NUDT9: variants seen among roughly 807,000 people sequenced by gnomAD.
NUDT9 encodes nudix hydrolase 9.
In NUDT9, 31 loss-of-function variants were observed where a neutral mutation model predicts 41.0. That is an observed-to-expected ratio of 0.76 (90% CI 0.57 to 1.02). NUDT9 has a LOEUF of 1.02. NUDT9 is among the 50% of genes least tolerant of loss of function. The probability of loss-of-function intolerance (pLI) is 0.00; values close to 1 mark genes in which losing one functional copy is unlikely to be tolerated. For synonymous variants in NUDT9, 146 were observed against 147.6 expected, an observed-to-expected ratio of 0.99 and a Z score of 0.08; for missense variants, 380 against 431.4, an observed-to-expected ratio of 0.88 and a Z score of 1.06.
intron 1 of NUDT9, among the ~76,000 whole-genome samples, chr4:87,430,063 C>T (rs532967708): frequency 6.6e-6 from 1 of 152,140 alleles, no homozygotes; most frequent in African/African-American, 2.4e-5. Context: ...CTGGAAGGTG[C>T]GCCTGATTTA....
At chr4:87,455,663 T>G (rs540482526) in intron 7 of NUDT9, among the ~76,000 whole-genome samples, 1 of 151,036 alleles carries the variant, frequency 6.6e-6, no homozygotes, top group African/African-American at 2.4e-5. Flanking sequence ...TTTTTCTTTT[T>G]TTTTTTTTTT....
At chr4:87,451,107 T>C (rs1318453873) in intron 5 of NUDT9, among the ~76,000 whole-genome samples, 1 of 152,200 alleles carries the variant, frequency 6.6e-6, no homozygotes, top group Admixed American at 6.5e-5. Flanking sequence ...AGGAGGTGCA[T>C]GTTAGGTAAC....
chr4:87,442,428 A>C (rs1722243804), intron 4 of NUDT9, among the ~76,000 whole-genome samples: 7 of 152,244 alleles, frequency 4.6e-5, no homozygotes, highest in Admixed American at 1.3e-4. Flanking sequence ...GTGAGTGAAC[A>C]TGAAAGCCTA....
At chr4:87,440,191 TC>T (rs1449752242) in intron 3 of NUDT9, among the ~76,000 whole-genome samples, 6 of 152,208 alleles carry the variant, frequency 3.9e-5, no homozygotes, top group Non-Finnish European at 8.8e-5. Flanking sequence ...TTTAATGAAG[TC>T]TCTTTGACTA....
intron 1 of NUDT9, among the ~76,000 whole-genome samples, chr4:87,426,203 G>T (rs1398813551): frequency 6.6e-6 from 1 of 152,190 alleles, no homozygotes; most frequent in Non-Finnish European, 1.5e-5. Flanking sequence ...CTTCCAGAAG[G>T]ATCTACTGGT....
intron 1 of NUDT9, among the ~76,000 whole-genome samples, chr4:87,426,745 G>A (rs1352393448): frequency 2.6e-5 from 4 of 151,444 alleles, no homozygotes; most frequent in Non-Finnish European, 5.9e-5. Context: ...AATTGAAAAA[G>A]GATAATATGG....
At chr4:87,454,116 G>A (rs954268161) in intron 6 of NUDT9, among the ~76,000 whole-genome samples, 7 of 152,044 alleles carry the variant, frequency 4.6e-5, no homozygotes, top group African/African-American at 1.7e-4. Flanking sequence ...ACCCGCCTCA[G>A]CCTCCCAAAG....
At chr4:87,454,482 G>T (rs758343750) in intron 7 of NUDT9, 27 bp downstream of exon 7, 3 of 1,411,538 alleles carry the variant, frequency 2.1e-6, no homozygotes, top group Admixed American at 1.7e-5. Context: ...TAAACTGGCT[G>T]GGATTAAAGG....
intron 4 of NUDT9, among the ~76,000 whole-genome samples, chr4:87,442,145 T>G (rs1198132689): frequency 6.6e-6 from 1 of 152,218 alleles, no homozygotes; most frequent in African/African-American, 2.4e-5. Context: ...TATATTTACA[T>G]AAAACTAGAT....
chr4:87,449,504 G>T (rs1722616160), intron 5 of NUDT9, among the ~76,000 whole-genome samples: 1 of 152,174 alleles, frequency 6.6e-6, no homozygotes, highest in African/African-American at 2.4e-5. Flanking sequence ...GTTAGATGTA[G>T]GTCTGTGTTC....
rs1325816905 is a variant in NUDT9, at chr4:87,458,354, T to C, written c.*333T>C. The stretch of plus-strand genomic sequence containing the variant: ...AATTCTTGATCAGCTATAACTTCTG[T>C]TTCATCTAGTTCTTGTTTGTCAATG... On this transcript the variant is annotated 3_prime_UTR_variant, in exon 8 of 8. Coordinates refer to ENST00000302174, the MANE Select transcript of NUDT9 (RefSeq NM_024047.5). The C allele has an allele frequency of 5.8e-6, 1 of 172,450 alleles. No homozygotes were observed. 10.7% of individuals were successfully genotyped at this position (172,450 alleles called of 1,614,324 possible).
In NUDT9 at chr4:87,422,655, A is replaced by G. The variant is rs566655596; in HGVS notation, c.-251A>G. 1.3e-4 allele frequency: 48 copies of G among 367,226 alleles called. No individual in the cohort carries two copies. The East Asian group carries it at 1.9e-3, about 15-fold the overall frequency. 22.7% of individuals were successfully genotyped at this position (367,226 alleles called of 1,614,324 possible). ...GGTTTCCCCAGGCAGCTGGCGCTGG[A>G]GGCTTCGGCGTCACGTGCTGGTCTG... On this transcript the variant is annotated 5_prime_UTR_variant, in exon 1 of 8. Coordinates refer to ENST00000302174, the MANE Select transcript of NUDT9 (RefSeq NM_024047.5).
intron 4 of NUDT9, among the ~76,000 whole-genome samples, chr4:87,443,050 C>G (rs1414409239): frequency 6.6e-6 from 1 of 152,150 alleles, no homozygotes; most frequent in Non-Finnish European, 1.5e-5. Context: ...TGATTGTACT[C>G]TTATGACTGG....
At chr4:87,451,472 TG>T in intron 5 of NUDT9, 116 bp from the exon 6 acceptor site, 1 of 753,538 alleles carries the variant, frequency 1.3e-6, no homozygotes, top group Non-Finnish European at 2.1e-6. Context: ...CACAGAGAAA[TG>T]GGGATCACTA....
rs1368387318 is a variant in NUDT9 at position 87,458,117 on chromosome 4, GC to G, written c.*98del. On this transcript the variant is annotated 3_prime_UTR_variant, in exon 8 of 8. Coordinates refer to ENST00000302174, the MANE Select transcript of NUDT9 (RefSeq NM_024047.5). Reference sequence around the variant, plus strand: ...TTATACTATAAAAAGGGCAGGGTAGGCCACTTGGCCTATTTACTTTCAAAAC... The same window carrying G: ...TTATACTATAAAAAGGGCAGGGTAGGCACTTGGCCTATTTACTTTCAAAAC... The G allele has an allele frequency of 1.8e-6, 2 of 1,125,872 alleles. No individual in the cohort carries two copies. Among genetic ancestry groups the G allele is most frequent in the African/African-American group, 3.2e-5 (2 of 61,730 alleles). 69.7% of individuals were successfully genotyped at this position (1,125,872 alleles called of 1,614,324 possible). A position where few individuals can be genotyped will look rare whatever the true frequency, so the allele number is the denominator to read the frequency against.
chr4:87,433,362 G>A lies in NUDT9; in HGVS notation c.108-1619G>A, dbSNP rs141875837. On this transcript the variant is annotated intron_variant, in intron 1 of 7. Transcript: ENST00000302174. ...TCTTTCATGACCTTACCAATTTAGA[G>A]AGTACACACCTTTATTCTGTAAGAT... Among the ~76,000 whole-genome samples the A allele has an allele frequency of 4.6e-3, 700 of 152,244 alleles. 7 individuals carry two copies. Among genetic ancestry groups the A allele is most frequent in the African/African-American group, 0.016 (678 of 41,528 alleles).
Position 87,422,716 on chromosome 4 carries a change from C to T in NUDT9, c.-190C>T. On this transcript the variant is annotated 5_prime_UTR_variant, in exon 1 of 8. Coordinates refer to ENST00000302174, the MANE Select transcript of NUDT9 (RefSeq NM_024047.5). Reference sequence around the variant, plus strand: ...GATGCACTGGGGAAAGCGGTGGACTCTTATCGTGGGAGGGCTCTTGATCTG... The same window carrying T: ...GATGCACTGGGGAAAGCGGTGGACTTTTATCGTGGGAGGGCTCTTGATCTG... 2.1e-6 allele frequency: 1 copy of T among 474,498 alleles called. No individual in the cohort carries two copies. The highest frequency in any genetic ancestry group is 3.7e-6 in the Non-Finnish European group (1 of 268,354). 29.4% of individuals were successfully genotyped at this position (474,498 alleles called of 1,614,324 possible).
intron 2 of NUDT9, among the ~76,000 whole-genome samples, chr4:87,437,325 ATTTC>A (rs1247587535): frequency 1.3e-5 from 2 of 150,874 alleles, no homozygotes; most frequent in African/African-American, 4.9e-5. Flanking sequence ...TAAAGTGCAC[ATTTC>A]TTTATTTTTA....
intron 5 of NUDT9, among the ~76,000 whole-genome samples, chr4:87,449,831 A>G (rs967903061): frequency 6.6e-5 from 10 of 152,008 alleles, no homozygotes; most frequent in Admixed American, 3.9e-4. Flanking sequence ...TGGCAGTGGT[A>G]TATTTGAAGT....
Sources: allele counts gnomAD v4.1 joint callset (sites outside exome capture counted in the v4.1 genomes callset), GRCh38; gene constraint gnomAD v4.1.1; transcripts MANE v1.5; gene names NCBI Gene and HGNC (gene_info 2026-07-23, HGNC 2026-07-21).